The following LCORL variants were observed in gnomAD, a reference collection of about 807,000 sequenced individuals.
LCORL encodes the protein ligand dependent nuclear receptor corepressor like.
LCORL carries 41 observed loss-of-function variants against 141.8 expected under a neutral mutation model. The observed-to-expected ratio is 0.29, with a 90% CI of 0.23 to 0.38. The LOEUF is 0.38. Ranked by LOEUF, LCORL falls within the 10% of genes least tolerant of loss-of-function variation. LCORL has a pLI of 1.00. For synonymous variants in LCORL, 618 were observed against 694.1 expected (o/e 0.89, Z 1.72); for missense variants, 1,759 against 2,035.0 (o/e 0.86, Z 2.61).
intron 4 of LCORL, among the ~76,000 whole-genome samples, chr4:17,935,966 T>C (rs867646101): frequency 1.3e-5 from 2 of 152,252 alleles, no homozygotes; most frequent in African/African-American, 2.4e-5. Flanking sequence ...TAAAAAACCA[T>C]GACCACTTAA....
Position 17,863,970 on chromosome 4 carries a change from A to G in LCORL, c.5602+9418T>C, listed in dbSNP as rs527772803. ...ACTGAGTACACATCGACCAAAGAAG[A>G]GAACAACAGAAAGCAGGGCCTACTT... On this transcript the variant is annotated intron_variant, in intron 7 of 7. Coordinates refer to ENST00000635767, the Ensembl canonical transcript of LCORL. Among the ~76,000 whole-genome samples, 5 of 152,312 alleles carry G rather than the reference A, an allele frequency of 3.3e-5. No homozygotes were observed. The East Asian group carries it at 7.7e-4, about 24-fold the overall frequency.
chr4:17,913,389 G>C lies in LCORL; in HGVS notation c.431-4044C>G, dbSNP rs577796996. ...GAATTGTAAAAGGTGATGAAACACG[G>C]CTTTACCAATATAATCCTGAAGATA... On this transcript the variant is annotated intron_variant, in intron 4 of 7. Transcript: ENST00000635767. Among the ~76,000 whole-genome samples, 13 of 152,344 alleles carry C rather than the reference G, an allele frequency of 8.5e-5. No homozygotes were observed. The South Asian group carries it at 2.7e-3, about 32-fold the overall frequency.
chr4:17,957,444 T>C (rs147721650), intron 4 of LCORL, among the ~76,000 whole-genome samples: 2 of 152,056 alleles, frequency 1.3e-5, no homozygotes, highest in East Asian at 3.9e-4. Context: ...GGGATTCTGT[T>C]GATGGAAGAC....
chr4:17,990,159 C>A (rs560136960), intron 1 of LCORL, among the ~76,000 whole-genome samples: 1 of 140,658 alleles, frequency 7.1e-6, no homozygotes. Context: ...AGTGCAGTGG[C>A]ACGATCTCGG....
At chr4:17,844,149 A>T (rs1722698162) in exon 8 of LCORL, 1 of 152,052 alleles carries the variant, frequency 6.6e-6, no homozygotes, top group African/African-American at 2.4e-5. Context: ...TTTACTGTGG[A>T]TAATAATTCT....
chr4:18,020,380 A>G (rs559691076), intron 1 of LCORL, among the ~76,000 whole-genome samples: 36 of 152,128 alleles, frequency 2.4e-4, no homozygotes, highest in Middle Eastern at 3.4e-3. Context: ...CAGTAGAGCA[A>G]GCTGCTGCCA....
At chr4:17,863,798 G>A (rs914631970) in intron 7 of LCORL, among the ~76,000 whole-genome samples, 4 of 152,122 alleles carry the variant, frequency 2.6e-5, no homozygotes, top group Non-Finnish European at 5.9e-5. Context: ...TATAGACAAC[G>A]GAATACTATG....
At chr4:17,880,823 G>T (rs1186089427) in intron 6 of LCORL, 20 of 868,452 alleles carry the variant, frequency 2.3e-5, no homozygotes, top group Non-Finnish European at 2.3e-5. Flanking sequence ...ACAGATACAT[G>T]AATTCATTAG....
chr4:17,971,794 A>T (rs1405141970), intron 2 of LCORL, among the ~76,000 whole-genome samples: 6 of 151,752 alleles, frequency 4.0e-5, no homozygotes, highest in Admixed American at 3.9e-4. Context: ...TAATTAAAAA[A>T]TTTATAAGCA....
Position 17,952,473 on chromosome 4 carries a change from T to A in LCORL, c.430+9430A>T, listed in dbSNP as rs183556362. The stretch of plus-strand genomic sequence containing the variant: ...TTCTGTCGCCCAGGCTGGAGTGCAG[T>A]GGCGCGATCTCGGCTCACTGCAAGC... On this transcript the variant is annotated intron_variant, in intron 4 of 7. Coordinates refer to ENST00000635767, the Ensembl canonical transcript of LCORL. Among the ~76,000 whole-genome samples the A allele has an allele frequency of 5.2e-4, 78 of 150,854 alleles. No individual in the cohort carries two copies. In the East Asian group the frequency reaches 0.013, roughly 26 times the overall value.
At chr4:17,875,622 C>T (rs779813439) in exon 7 of LCORL, 99 of 1,231,132 alleles carry the variant, frequency 8.0e-5, no homozygotes, top group Non-Finnish European at 9.3e-5. Flanking sequence ...ACATTCTGGG[C>T]TTTTCCTTCC....
In LCORL at chr4:18,021,052, G is replaced by A. The variant is rs527238036; in HGVS notation, c.154+546C>T. 4.9e-3 allele frequency among the ~76,000 whole-genome samples: 748 copies of A among 152,042 alleles called. 10 individuals carry two copies. Among genetic ancestry groups the A allele is most frequent in the African/African-American group, 0.017 (709 of 41,520 alleles). Reference sequence around the variant, plus strand: ...CCTCGCCCCCAGCCGGCCCATCAGCGGCCCCCGCCCTGCGAGTGCCCGTGG... The same window carrying A: ...CCTCGCCCCCAGCCGGCCCATCAGCAGCCCCCGCCCTGCGAGTGCCCGTGG... On this transcript the variant is annotated intron_variant, in intron 1 of 7. Transcript: ENST00000635767. This position sits in a 1 kb window ranked among gnomAD's most constrained non-coding sequence, Gnocchi z 5.5.
chr4:17,965,946 A>C (rs1714774916), intron 2 of LCORL, among the ~76,000 whole-genome samples: 1 of 152,126 alleles, frequency 6.6e-6, no homozygotes, highest in Non-Finnish European at 1.5e-5. Flanking sequence ...AGTTCAGTGA[A>C]AAATGAAAAA....
intron 1 of LCORL, among the ~76,000 whole-genome samples, chr4:17,977,553 T>C (rs898440769): frequency 1.3e-5 from 2 of 152,246 alleles, no homozygotes; most frequent in African/African-American, 4.8e-5. Flanking sequence ...ACAGGCTTAC[T>C]TCAGATACCT....
chr4:17,955,236 T>C (rs1309163517), intron 4 of LCORL, among the ~76,000 whole-genome samples: 1 of 152,112 alleles, frequency 6.6e-6, no homozygotes, highest in African/African-American at 2.4e-5. Context: ...ATCAGCTCTA[T>C]CAAACGATGC....
chr4:17,881,118 T>C, intron 6 of LCORL: 3 of 982,936 alleles, frequency 3.1e-6, no homozygotes, highest in Non-Finnish European at 3.6e-6. Flanking sequence ...TACTGAGCAG[T>C]AGTTTTCTAA....
chr4:17,855,339 G>T (rs1384989554), intron 7 of LCORL, among the ~76,000 whole-genome samples: 1 of 152,104 alleles, frequency 6.6e-6, no homozygotes, highest in African/African-American at 2.4e-5. Context: ...GGAAATTTTA[G>T]TAATGTGAAA....
At chr4:17,870,900 A>G (rs1204898131) in intron 7 of LCORL, among the ~76,000 whole-genome samples, 3 of 152,168 alleles carry the variant, frequency 2.0e-5, no homozygotes. Context: ...CTCATAAATT[A>G]TATCTGGACA....
chr4:17,842,888 C>CT (rs894846592), exon 8 of LCORL: 61 of 161,514 alleles, frequency 3.8e-4, no homozygotes, highest in African/African-American at 1.3e-3. Flanking sequence ...TTAAATTTGT[C>CT]TTTTTTGGGG....
Sources: allele counts gnomAD v4.1 joint callset (sites outside exome capture counted in the v4.1 genomes callset), GRCh38; gene constraint gnomAD v4.1.1; non-coding constraint Gnocchi (gnomAD v3.1); transcripts MANE v1.5; gene names NCBI Gene and HGNC (gene_info 2026-07-23, HGNC 2026-07-21).